Variants in UBAP2 observed in about 807,000 individuals in gnomAD.
UBAP2 encodes the protein ubiquitin associated protein 2, also known as ubiquitin-associated protein 2.
In UBAP2, 75 loss-of-function variants were observed where a neutral mutation model predicts 139.6. That is an observed-to-expected ratio of 0.54 (90% CI 0.45 to 0.65). The LOEUF is 0.65. UBAP2 is among the 30% of genes least tolerant of loss of function. UBAP2 has a pLI of 0.00. For missense variants in UBAP2, 1,368 were observed against 1,369.6 expected (o/e 1.00, Z 0.02); for synonymous variants, 526 against 526.2 (o/e 1.00, Z 0.01).
intron 2 of UBAP2, among the ~76,000 whole-genome samples, chr9:34,015,245 T>C (rs7031215): frequency 0.052 from 7,873 of 152,256 alleles, 700 homozygotes; most frequent in African/African-American, 0.18. Flanking sequence ...TTAGCACTTA[T>C]CTCACTTCAC....
At chr9:34,006,822 G>A (rs923340991) in intron 2 of UBAP2, among the ~76,000 whole-genome samples, 1 of 152,204 alleles carries the variant, frequency 6.6e-6, no homozygotes, top group African/African-American at 2.4e-5. Flanking sequence ...CCTTTCAGAG[G>A]AATCAACAAA....
intron 11 of UBAP2, among the ~76,000 whole-genome samples, chr9:33,954,269 T>TACATACAC (rs1554682976): frequency 7.2e-6 from 1 of 139,810 alleles, no homozygotes; most frequent in African/African-American, 2.7e-5. Context: ...TGTGTGTATA[T>TACATACAC]ACACACACAC....
At chr9:33,953,617 A>G in intron 11 of UBAP2, 143 bp from the exon 12 acceptor site, 1 of 745,128 alleles carries the variant, frequency 1.3e-6, no homozygotes, top group Non-Finnish European at 2.1e-6. Flanking sequence ...AAGGGGGCAA[A>G]AGGAGGGCAT....
chr9:33,925,184 T>C (rs1321631825), intron 22 of UBAP2, among the ~76,000 whole-genome samples: 1 of 152,172 alleles, frequency 6.6e-6, no homozygotes, highest in Non-Finnish European at 1.5e-5. Context: ...CCTTGGGCTG[T>C]GCCCGATCCC....
At chr9:33,926,553 A>G (rs1823443440) in intron 22 of UBAP2, 64 bp downstream of exon 22, 19 of 1,582,746 alleles carry the variant, frequency 1.2e-5, no homozygotes, top group South Asian at 5.5e-5. Flanking sequence ...AGCCAAGACC[A>G]TAAGAGGGGG....
chr9:33,949,824 G>A (rs903256314), intron 12 of UBAP2, among the ~76,000 whole-genome samples: 2 of 152,168 alleles, frequency 1.3e-5, no homozygotes, highest in African/African-American at 2.4e-5. Context: ...ATTTGAAGTT[G>A]AGCAAATACC....
intron 6 of UBAP2, among the ~76,000 whole-genome samples, chr9:33,975,919 T>C (rs1055857600): frequency 2.0e-5 from 3 of 151,804 alleles, no homozygotes; most frequent in African/African-American, 7.3e-5. Flanking sequence ...GGTATATGTT[T>C]ATACAACAAA....
chr9:33,954,090 A>G (rs1319284944), intron 11 of UBAP2, among the ~76,000 whole-genome samples: 1 of 152,020 alleles, frequency 6.6e-6, no homozygotes, highest in Admixed American at 6.6e-5. Context: ...TATTTTTAGT[A>G]GAGACAGGGT....
At chr9:34,002,377 CTTT>C (rs33995709) in intron 2 of UBAP2, among the ~76,000 whole-genome samples, 288 of 108,484 alleles carry the variant, frequency 2.7e-3, no homozygotes, top group African/African-American at 6.8e-3. Flanking sequence ...TGCATAGGTG[CTTT>C]TTTTTTTTTT....
chr9:33,944,301 C>T (rs1288346719), intron 14 of UBAP2, 64 bp downstream of exon 14: 3 of 1,582,878 alleles, frequency 1.9e-6, no homozygotes, highest in African/African-American at 1.3e-5. Context: ...CTTAGTATCC[C>T]ACTAGAGCTG....
chr9:34,047,156 T>A (rs1827674963), intron 1 of UBAP2, among the ~76,000 whole-genome samples: 1 of 152,084 alleles, frequency 6.6e-6, no homozygotes. Flanking sequence ...GGTTTCATAA[T>A]TATTGAGGGT....
intron 8 of UBAP2, 46 bp from the exon 9 acceptor site, chr9:33,963,837 G>C (rs1175700400): frequency 7.1e-7 from 1 of 1,416,804 alleles, no homozygotes; most frequent in South Asian, 1.2e-5. Flanking sequence ...TGAAAAGAAT[G>C]AAAGTATTCA....
At chr9:33,987,355 T>C (rs1026513107) in intron 5 of UBAP2, among the ~76,000 whole-genome samples, 3 of 151,386 alleles carry the variant, frequency 2.0e-5, no homozygotes, top group Non-Finnish European at 3.0e-5. Flanking sequence ...GAGGTTGCAG[T>C]GAGCCGAGAT....
chr9:34,007,108 T>C (rs966668036), intron 2 of UBAP2, among the ~76,000 whole-genome samples: 2 of 152,190 alleles, frequency 1.3e-5, no homozygotes, highest in Non-Finnish European at 2.9e-5. Flanking sequence ...CAACATGTCA[T>C]CTATAAATAA....
At chr9:33,963,330 C>A (rs1827213670) in intron 9 of UBAP2, among the ~76,000 whole-genome samples, 1 of 152,164 alleles carries the variant, frequency 6.6e-6, no homozygotes, top group Non-Finnish European at 1.5e-5. Flanking sequence ...AGGTCCTAAT[C>A]ATATTTTGGA....
At position 33,998,712 on chromosome 9, in the gene UBAP2, C is replaced by T. The variant is rs1297532673; in HGVS notation, c.177+75G>A. 7.6e-5 allele frequency: 107 copies of T among 1,404,716 alleles called. 1 individual carries two copies. The South Asian group carries it at 1.3e-3, about 17-fold the overall frequency. The allele number at this position is 1,404,716 out of a possible 1,614,324, so 87.0% of individuals were successfully genotyped here. On this transcript the variant is annotated intron_variant, in intron 3 of 28. Transcript: ENST00000379238. ...AGAAGTAATACTTTAAAACAAAAAT[C>T]TTTACTGAAATTATCTTTTTAAGCA...
chr9:34,002,680 A>G lies in UBAP2; in HGVS notation c.100-3816T>C, dbSNP rs548262129. Among the ~76,000 whole-genome samples the G allele has an allele frequency of 2.6e-5, 4 of 151,100 alleles. No individual in the cohort carries two copies. The East Asian group carries it at 7.8e-4, about 30-fold the overall frequency. Reference sequence around the variant, plus strand: ...TGTGAGCCACCCGCCCAGCCTTAACATCTTTTTTTTAAGCTAGGGTTTCAT... The same window carrying G: ...TGTGAGCCACCCGCCCAGCCTTAACGTCTTTTTTTTAAGCTAGGGTTTCAT... On this transcript the variant is annotated intron_variant, in intron 2 of 28. Coordinates refer to ENST00000379238, the MANE Select transcript of UBAP2 (RefSeq NM_001370062.2).
chr9:33,923,429 G>A lies in UBAP2; in HGVS notation c.2846C>T (p.Thr949Ile). 1 of 1,614,144 alleles carries A rather than the reference G, an allele frequency of 6.2e-7. No homozygotes were observed. Among genetic ancestry groups the A allele is most frequent in the Non-Finnish European group, 8.5e-7 (1 of 1,180,016 alleles). Residue 949 changes from threonine to isoleucine, a missense_variant, in exon 25 of 29, where the codon ACA (threonine) becomes ATA (isoleucine). By Grantham distance (89) the Thr-to-Ile change is moderately conservative (BLOSUM62 -1). Transcript: ENST00000379238. ...KQHGVNLSTP[T>I]PPFQQASGYG... ...ACCACTGGCCTGCTGGAAGGGAGGT[G>A]TGGGAGTGCTGAGGTTCACCCCATG...
At chr9:33,938,132 G>A (rs1319697074) in intron 16 of UBAP2, among the ~76,000 whole-genome samples, 3 of 151,824 alleles carry the variant, frequency 2.0e-5, no homozygotes, top group Non-Finnish European at 2.9e-5. Context: ...GAGTAGCTGG[G>A]ACTACAGGTC....
Sources: gnomAD v4.1 joint callset for allele counts (sites outside exome capture counted in the v4.1 genomes callset) on GRCh38, gnomAD v4.1.1 for gene constraint, MANE v1.5 for transcripts, NCBI Gene and HGNC (gene_info 2026-07-23, HGNC 2026-07-21) for gene names.